Variants in NTRK2 observed in about 807,000 individuals in gnomAD.
The protein encoded by NTRK2 is BDNF/NT-3 growth factors receptor.
Under a neutral mutation model 94.5 loss-of-function variants are expected in NTRK2, and 13 were observed. The ratio of observed to expected loss-of-function variants is 0.14; its 90% CI spans 0.09 to 0.22. NTRK2 has a LOEUF of 0.22. NTRK2 is among the 10% of genes least tolerant of loss of function. The probability of loss-of-function intolerance (pLI) is 1.00; values close to 1 mark genes in which losing one functional copy is unlikely to be tolerated. For synonymous variants in NTRK2, 372 were observed against 407.4 expected (o/e 0.91, Z 1.05); for missense variants, 639 against 1,071.2 (o/e 0.60, Z 5.63).
At chr9:84,938,452 T>C (rs780534786) in intron 15 of NTRK2, among the ~76,000 whole-genome samples, 96 of 152,324 alleles carry the variant, frequency 6.3e-4, no homozygotes, top group East Asian at 3.9e-4. Context: ...GGATGTGCCT[T>C]GTTTGCTCCT....
intron 2 of NTRK2, among the ~76,000 whole-genome samples, chr9:84,701,419 G>T (rs1307044953): frequency 6.6e-6 from 1 of 152,072 alleles, no homozygotes; most frequent in African/African-American, 2.4e-5. Flanking sequence ...TTAATCTCGG[G>T]GAAGACTCCT....
At chr9:84,679,455 G>A (rs556774037) in intron 2 of NTRK2, among the ~76,000 whole-genome samples, 7 of 152,142 alleles carry the variant, frequency 4.6e-5, no homozygotes, top group Non-Finnish European at 5.9e-5. Context: ...GCTTGGTAAG[G>A]TTAACACAGT....
Position 84,777,670 on chromosome 9 carries a change from G to A in NTRK2, c.1396+25585G>A, listed in dbSNP as rs934573048. Among the ~76,000 whole-genome samples, 5 of 152,188 alleles carry A rather than the reference G, an allele frequency of 3.3e-5. No individual in the cohort carries two copies. The East Asian group carries it at 7.8e-4, about 24-fold the overall frequency. Reference sequence around the variant, plus strand: ...ATTTGTAATGTTTGCTGATTTCCGCGGTGTAAACATTCCCACCATGAAGTC... The same window carrying A: ...ATTTGTAATGTTTGCTGATTTCCGCAGTGTAAACATTCCCACCATGAAGTC... On this transcript the variant is annotated intron_variant, in intron 12 of 18. Transcript: ENST00000277120.
Position 84,962,000 on chromosome 9 carries a change from ATTC to A in NTRK2, c.2172+6488_2172+6490del, listed in dbSNP as rs1415869190. On this transcript the variant is annotated intron_variant, in intron 17 of 18. Coordinates refer to ENST00000277120, the MANE Select transcript of NTRK2 (RefSeq NM_006180.6). ...ATCCAGGAGTGGGGTCTTCTTTGCT[ATTC>A]TTCTGAGGCTATCAAAATACGCTCT... is the stretch of plus-strand genomic sequence containing the variant. Among the ~76,000 whole-genome samples the A allele has an allele frequency of 2.0e-5, 3 of 152,214 alleles. No individual in the cohort carries two copies. The East Asian group carries it at 5.8e-4, about 29-fold the overall frequency.
chr9:84,853,035 A>T (rs2074860826), intron 12 of NTRK2, among the ~76,000 whole-genome samples: 1 of 151,848 alleles, frequency 6.6e-6, no homozygotes, highest in Admixed American at 6.6e-5. Flanking sequence ...TTCTCTTAAG[A>T]TGAGGATATA....
At chr9:84,836,423 G>A (rs2073876409) in intron 12 of NTRK2, among the ~76,000 whole-genome samples, 1 of 151,766 alleles carries the variant, frequency 6.6e-6, no homozygotes, top group South Asian at 2.1e-4. Context: ...AAATGGAGTG[G>A]AATGATGGGC....
intron 14 of NTRK2, among the ~76,000 whole-genome samples, chr9:84,871,080 T>G (rs1015214663): frequency 2.0e-5 from 3 of 152,196 alleles, no homozygotes; most frequent in African/African-American, 7.2e-5. Context: ...AAATGATGGC[T>G]TGTTCCCTGC....
At chr9:84,980,811 G>C (rs544011096) in intron 17 of NTRK2, among the ~76,000 whole-genome samples, 1 of 152,220 alleles carries the variant, frequency 6.6e-6, no homozygotes, top group Non-Finnish European at 1.5e-5. Flanking sequence ...GCGTAAGCTC[G>C]TGATGCCAAA....
intron 12 of NTRK2, among the ~76,000 whole-genome samples, chr9:84,851,442 T>C (rs2074763629): frequency 1.3e-5 from 2 of 152,240 alleles, no homozygotes; most frequent in South Asian, 2.1e-4. Context: ...TTTTATCCAA[T>C]TATTTTTATT....
chr9:84,814,601 CT>C (rs2072183774), intron 12 of NTRK2: 1 of 1,065,880 alleles, frequency 9.4e-7, no homozygotes. Context: ...TGCTTTCTTC[CT>C]TTGCATGATT....
chr9:84,864,832 C>T (rs1187325448), intron 13 of NTRK2, among the ~76,000 whole-genome samples: 3 of 150,370 alleles, frequency 2.0e-5, no homozygotes, highest in African/African-American at 7.3e-5. Flanking sequence ...CTTCTGCCTC[C>T]CAGGTTCAAG....
intron 14 of NTRK2, among the ~76,000 whole-genome samples, chr9:84,883,955 G>C (rs541380251): frequency 6.6e-6 from 1 of 152,170 alleles, no homozygotes; most frequent in Non-Finnish European, 1.5e-5. Context: ...GTATAATTTA[G>C]TACTTAGTAT....
At chr9:84,883,304 C>A (rs1191721425) in intron 14 of NTRK2, among the ~76,000 whole-genome samples, 1 of 152,170 alleles carries the variant, frequency 6.6e-6, no homozygotes, top group Admixed American at 6.5e-5. Context: ...TGAGGACAGG[C>A]TTGTACCTTG....
intron 2 of NTRK2, among the ~76,000 whole-genome samples, chr9:84,674,813 G>T (rs917215867): frequency 2.0e-5 from 3 of 152,140 alleles, no homozygotes; most frequent in Non-Finnish European, 2.9e-5. Flanking sequence ...CTGCAATATG[G>T]ACACTTTTGT....
chr9:84,836,982 T>TAATATAATAA (rs1351724436), intron 12 of NTRK2, among the ~76,000 whole-genome samples: 5 of 137,022 alleles, frequency 3.6e-5, no homozygotes, highest in Non-Finnish European at 7.9e-5. Context: ...TAATATAATA[T>TAATATAATAA]AATAATACTG....
At chr9:84,844,687 ACACACACG>A (rs770726083) in intron 12 of NTRK2, among the ~76,000 whole-genome samples, 1 of 145,498 alleles carries the variant, frequency 6.9e-6, no homozygotes, top group Non-Finnish European at 1.5e-5. Flanking sequence ...ACACACACAC[ACACACACG>A]GCTATCACTA....
chr9:84,855,022 G>A (rs1457361846), intron 12 of NTRK2, among the ~76,000 whole-genome samples: 1 of 150,286 alleles, frequency 6.7e-6, no homozygotes, highest in Admixed American at 6.6e-5. Flanking sequence ...TGCAAAGTGA[G>A]CAGGAATAGG....
chr9:84,722,204 A>G (rs1022549460), intron 6 of NTRK2, among the ~76,000 whole-genome samples: 1 of 121,728 alleles, frequency 8.2e-6, no homozygotes, highest in African/African-American at 3.5e-5. Context: ...TGAAAGATGT[A>G]ACATTGGTCT....
chr9:84,875,444 G>C, intron 14 of NTRK2: 4 of 1,062,532 alleles, frequency 3.8e-6, no homozygotes, highest in Non-Finnish European at 4.6e-6. Flanking sequence ...AAGGCAGGCT[G>C]AGAGCTCTCA....
Sources: gnomAD v4.1 joint callset for allele counts (sites outside exome capture counted in the v4.1 genomes callset) on GRCh38, gnomAD v4.1.1 for gene constraint, MANE v1.5 for transcripts, NCBI Gene and HGNC (gene_info 2026-07-23, HGNC 2026-07-21) for gene names.